EEF1E1: variants seen among roughly 807,000 people sequenced by gnomAD.
The protein encoded by EEF1E1 is eukaryotic translation elongation factor 1 epsilon-1.
EEF1E1 carries 19 observed loss-of-function variants against 19.9 expected under a neutral mutation model. The ratio of observed to expected loss-of-function variants is 0.95; its 90% CI spans 0.66 to 1.40. EEF1E1 has a LOEUF of 1.40. EEF1E1 is among the 40% of genes most tolerant of loss of function. The probability of loss-of-function intolerance (pLI) is 0.00; values close to 1 mark genes in which losing one functional copy is unlikely to be tolerated. For synonymous variants in EEF1E1, 81 were observed against 80.0 expected (o/e 1.01, Z -0.07); for missense variants, 198 against 202.2 (o/e 0.98, Z 0.13).
chr6:8,074,844 A>T (rs1757554068), downstream of EEF1E1, among the ~76,000 whole-genome samples: 1 of 152,192 alleles, frequency 6.6e-6, no homozygotes, highest in Non-Finnish European at 1.5e-5. Context: ...TACCTGTTCC[A>T]TCAATGTTGT....
At chr6:8,077,135 G>A (rs527331655), downstream of EEF1E1, among the ~76,000 whole-genome samples, 6 of 152,102 alleles carry the variant, frequency 3.9e-5, no homozygotes, top group Admixed American at 3.3e-4. Context: ...AGTAGAGATG[G>A]GGTTTCACCG....
downstream of EEF1E1, among the ~76,000 whole-genome samples, chr6:8,076,994 G>A (rs569566273): frequency 5.5e-5 from 3 of 54,462 alleles, no homozygotes; most frequent in Admixed American, 2.0e-4. Context: ...CCAGGCTGGA[G>A]TGCAGTGGCA....
At chr6:8,077,734 C>T (rs574140107), downstream of EEF1E1, among the ~76,000 whole-genome samples, 268 of 152,324 alleles carry the variant, frequency 1.8e-3, 3 homozygotes, top group African/African-American at 6.2e-3. Flanking sequence ...TTTCTCCCTA[C>T]CAGCAATAAG....
chr6:8,101,977 T>TA, intron 1 of EEF1E1: 1 of 1,247,304 alleles, frequency 8.0e-7, no homozygotes, highest in Non-Finnish European at 1.0e-6. Flanking sequence ...GGAGGAAGCA[T>TA]GTTCCCCTAA....
chr6:8,076,968 A>G (rs1157739103), downstream of EEF1E1, among the ~76,000 whole-genome samples: 5 of 108,994 alleles, frequency 4.6e-5, no homozygotes, highest in African/African-American at 1.4e-4. Context: ...TTTGAGATGG[A>G]GTCTCGCGCT....
chr6:8,074,708 C>G (rs930592597), downstream of EEF1E1, among the ~76,000 whole-genome samples: 2 of 152,210 alleles, frequency 1.3e-5, no homozygotes, highest in Admixed American at 6.5e-5. Flanking sequence ...TTGTTTTGAT[C>G]TGGATGCTGA....
At chr6:8,099,752 ACACACACACACAC>A (rs1276788862) in intron 1 of EEF1E1, among the ~76,000 whole-genome samples, 1 of 63,206 alleles carries the variant, frequency 1.6e-5, no homozygotes, top group Admixed American at 1.4e-4. Flanking sequence ...CGCCTCAAAA[ACACACACACACAC>A]ACACACACAC....
chr6:8,099,783 C>CAA lies in EEF1E1; in HGVS notation c.88-2317_88-2316insTT, dbSNP rs1554099755. 5.1e-5 allele frequency among the ~76,000 whole-genome samples: 5 copies of CAA among 98,280 alleles called. 1 individual carries two copies. Among genetic ancestry groups the CAA allele is most frequent in the Admixed American group, 3.1e-4 (3 of 9,634 alleles). 64.5% of individuals were successfully genotyped at this position (98,280 alleles called of 152,430 possible). On this transcript the variant is annotated intron_variant, in intron 1 of 3. Transcript: ENST00000379715. ...ACACACACACACACACACACACACACACACACACAAAAAAAAAACAGAACC... is the reference window on the plus strand; with the variant it reads ...ACACACACACACACACACACACACACAAACACACACAAAAAAAAAACAGAACC...
At chr6:8,093,118 T>C (rs1175277013) in intron 2 of EEF1E1, among the ~76,000 whole-genome samples, 2 of 152,018 alleles carry the variant, frequency 1.3e-5, no homozygotes, top group African/African-American at 2.4e-5. Context: ...GTGATCAGCC[T>C]GCCTCGGCCT....
chr6:8,086,702 C>T (rs978442900), intron 3 of EEF1E1, among the ~76,000 whole-genome samples: 1 of 152,186 alleles, frequency 6.6e-6, no homozygotes, highest in Admixed American at 6.5e-5. Flanking sequence ...AGGCCAATAA[C>T]ACTGGTCCTA....
intron 1 of EEF1E1, among the ~76,000 whole-genome samples, chr6:8,101,170 G>A (rs1758339528): frequency 7.4e-6 from 1 of 135,994 alleles, no homozygotes; most frequent in African/African-American, 2.8e-5. Context: ...AGGTTGCAGT[G>A]ATCCGAGATC....
chr6:8,094,022 C>G lies in EEF1E1; in HGVS notation c.288+3245G>C, dbSNP rs117844479. Reference sequence around the variant, plus strand: ...CCATGTTGGCCAGGCTGATCTCGGACTCCTAACCTCAAGTGATCTGCCTGC... The same window carrying G: ...CCATGTTGGCCAGGCTGATCTCGGAGTCCTAACCTCAAGTGATCTGCCTGC... On this transcript the variant is annotated intron_variant, in intron 2 of 3. Transcript: ENST00000379715. 5.0e-3 allele frequency among the ~76,000 whole-genome samples: 759 copies of G among 152,156 alleles called. 28 individuals are homozygous for G. The East Asian group carries it at 0.07, about 14-fold the overall frequency.
chr6:8,078,790 C>A, downstream of EEF1E1: 1 of 1,243,854 alleles, frequency 8.0e-7, no homozygotes. Flanking sequence ...GAGCTACATA[C>A]TAGGCTTTTT....
chr6:8,095,547 C>T (rs994207245), intron 2 of EEF1E1: 1 of 177,624 alleles, frequency 5.6e-6, no homozygotes, highest in South Asian at 7.7e-5. Flanking sequence ...AACAGGTTAC[C>T]ATGCCCAGTA....
chr6:8,088,581 A>G (rs1356741991), intron 3 of EEF1E1, among the ~76,000 whole-genome samples: 1 of 152,150 alleles, frequency 6.6e-6, no homozygotes, highest in Non-Finnish European at 1.5e-5. Flanking sequence ...ACTTGCTCCG[A>G]CTTGCTCCTC....
At chr6:8,095,198 T>C (rs1758134766) in intron 2 of EEF1E1, among the ~76,000 whole-genome samples, 1 of 151,988 alleles carries the variant, frequency 6.6e-6, no homozygotes, top group Non-Finnish European at 1.5e-5. Flanking sequence ...ACATTGTCGG[T>C]GAACAAAAAA....
intron 1 of EEF1E1, among the ~76,000 whole-genome samples, chr6:8,098,547 T>C (rs571985056): frequency 2.6e-5 from 4 of 152,176 alleles, no homozygotes; most frequent in Admixed American, 2.0e-4. Context: ...AGTAAGGAGG[T>C]AACTTCAAAG....
At chr6:8,101,265 T>TAC (rs1561647206) in intron 1 of EEF1E1, among the ~76,000 whole-genome samples, 1 of 97,292 alleles carries the variant, frequency 1.0e-5, no homozygotes, top group East Asian at 2.6e-4. Context: ...TATATATATA[T>TAC]ATATATATAT....
chr6:8,080,651 A>G (rs939014137), intron 3 of EEF1E1, among the ~76,000 whole-genome samples: 1 of 152,210 alleles, frequency 6.6e-6, no homozygotes, highest in Non-Finnish European at 1.5e-5. Context: ...TTATCATTTC[A>G]CTGGGCTCAA....
Sources: allele counts gnomAD v4.1 joint callset (sites outside exome capture counted in the v4.1 genomes callset), GRCh38; gene constraint gnomAD v4.1.1; transcripts MANE v1.5; gene names NCBI Gene and HGNC (gene_info 2026-07-23, HGNC 2026-07-21).